Variants in MCTP2 observed in about 807,000 individuals in gnomAD.
The protein encoded by MCTP2 is multiple C2 and transmembrane domain containing 2, also known as multiple C2 and transmembrane domain-containing protein 2.
A neutral mutation model predicts 111.6 loss-of-function variants in MCTP2; 132 were observed. The observed-to-expected ratio is 1.18, with a 90% confidence interval of 1.03 to 1.37. The LOEUF (loss-of-function observed/expected upper bound fraction) is 1.37, where lower values mean the gene tolerates loss of function less well. Ranked by LOEUF, MCTP2 falls within the 40% of genes most tolerant of loss-of-function variation. MCTP2 has a pLI of 0.00. For synonymous variants in MCTP2, 395 were observed against 387.7 expected, an observed-to-expected ratio of 1.02 and a Z score of -0.22; for missense variants, 1,183 against 1,067.9, an observed-to-expected ratio of 1.11 and a Z score of -1.50.
In MCTP2 at chr15:94,419,001, T is replaced by C. The variant is rs145953801; in HGVS notation, c.2085+16982T>C. ...GTACTTTCTTTAAAGTTAGAATGGATCAGCCATATTCTTCATAGAAATGTT... is the reference window on the plus strand; with the variant it reads ...GTACTTTCTTTAAAGTTAGAATGGACCAGCCATATTCTTCATAGAAATGTT... On this transcript the variant is annotated intron_variant, in intron 17 of 22. Transcript: ENST00000357742. Among the ~76,000 whole-genome samples the C allele has an allele frequency of 4.9e-3, 748 of 152,278 alleles. 4 individuals carry two copies. Among genetic ancestry groups the C allele is most frequent in the East Asian group, 0.029 (152 of 5,190 alleles).
intron 4 of MCTP2, 104 bp downstream of exon 4, chr15:94,315,741 G>T: frequency 1.3e-6 from 1 of 790,968 alleles, no homozygotes; most frequent in Non-Finnish European, 2.1e-6. Context: ...CATGGTTTAG[G>T]ATAGACAGTG....
chr15:94,243,425 A>C (rs2071266268), intron 1 of MCTP2, among the ~76,000 whole-genome samples: 1 of 149,480 alleles, frequency 6.7e-6, no homozygotes, highest in Admixed American at 6.6e-5. Context: ...GTATGCGTAT[A>C]TGCGTATGTA....
chr15:94,471,621 C>A (rs1001641038), intron 21 of MCTP2, among the ~76,000 whole-genome samples: 1 of 151,926 alleles, frequency 6.6e-6, no homozygotes, highest in African/African-American at 2.4e-5. Flanking sequence ...ACTTGATGAT[C>A]CTGATTCTTG....
At chr15:94,262,922 C>A (rs1374793515) in intron 1 of MCTP2, among the ~76,000 whole-genome samples, 1 of 152,178 alleles carries the variant, frequency 6.6e-6, no homozygotes, top group African/African-American at 2.4e-5. Flanking sequence ...CCACCCATCT[C>A]AGCTTCCCAA....
Position 94,399,927 on chromosome 15 carries a change from G to C in MCTP2, c.1897G>C (p.Ala633Pro), listed in dbSNP as rs1436755384. ...EMDLIYNPVK[A>P]SIRTFTPREK... ...ACAAGGATGTCTTTTCTAGGTGAAA[G>C]CAAGTATTAGGACTTTTACTCCCCG... The change falls in exon 16 of 23, where the codon GCA (alanine) becomes CCA (proline). Residue 633 changes from alanine (A) to proline (P), a missense_variant. Physicochemically the swap from Ala to Pro is conservative, Grantham distance 27 (BLOSUM62 -1). Transcript: ENST00000357742. 6.2e-7 allele frequency: 1 copy of C among 1,613,786 alleles called. No homozygotes were observed. Among genetic ancestry groups the C allele is most frequent in the Admixed American group, 1.7e-5 (1 of 60,002 alleles).
chr15:94,287,701 A>T (rs1347292687), intron 1 of MCTP2, among the ~76,000 whole-genome samples: 1 of 152,218 alleles, frequency 6.6e-6, no homozygotes, highest in Admixed American at 6.5e-5. Flanking sequence ...CAAACAGGAA[A>T]GCCATTCTCC....
chr15:94,310,468 A>G (rs1020845413), intron 2 of MCTP2, among the ~76,000 whole-genome samples: 3 of 152,146 alleles, frequency 2.0e-5, no homozygotes, highest in African/African-American at 7.2e-5. Context: ...TCAATTTTAC[A>G]GTGTGTTAAT....
intron 4 of MCTP2, among the ~76,000 whole-genome samples, chr15:94,320,423 G>A (rs2076582658): frequency 6.6e-6 from 1 of 152,172 alleles, no homozygotes; most frequent in Non-Finnish European, 1.5e-5. Flanking sequence ...TTACAGCTGT[G>A]AGCCACTGCG....
intron 17 of MCTP2, among the ~76,000 whole-genome samples, chr15:94,407,974 G>T (rs1695375586): frequency 6.6e-6 from 1 of 152,180 alleles, no homozygotes; most frequent in Middle Eastern, 3.2e-3. Flanking sequence ...GATTCATTTT[G>T]CTTTGGTACA....
At chr15:94,267,565 T>C (rs779573176) in intron 1 of MCTP2, among the ~76,000 whole-genome samples, 1 of 151,460 alleles carries the variant, frequency 6.6e-6, no homozygotes, top group Non-Finnish European at 1.5e-5. Context: ...TTAATTTCTC[T>C]TAAACTCCTG....
chr15:94,251,975 C>T (rs2072464707), intron 1 of MCTP2, among the ~76,000 whole-genome samples: 1 of 152,192 alleles, frequency 6.6e-6, no homozygotes, highest in South Asian at 2.1e-4. Flanking sequence ...TTTCCTTCTT[C>T]TTAAAGGCTG....
chr15:94,340,243 A>G lies in MCTP2; in HGVS notation c.825A>G (p.Ala275=). The G allele has an allele frequency of 1.2e-6, 2 of 1,613,232 alleles. No homozygotes were observed. Among genetic ancestry groups the G allele is most frequent in the Non-Finnish European group, 1.7e-6 (2 of 1,179,402 alleles). The change falls in exon 6 of 23, where the codon GCA becomes GCG. Residue 275 remains alanine (A), a synonymous_variant. Transcript: ENST00000357742. ...DLTTSDFMGS[A]FVILSDLELN... ...CCACATCTGATTTCATGGGTTCTGC[A>G]TTTGTCATTCTCAGTGATCTTGAGC...
At chr15:94,449,905 G>C (rs2084337160) in intron 19 of MCTP2, among the ~76,000 whole-genome samples, 1 of 152,162 alleles carries the variant, frequency 6.6e-6, no homozygotes, top group African/African-American at 2.4e-5. Flanking sequence ...TGTTTACCTT[G>C]TGGTGGCTTG....
In MCTP2 at chr15:94,367,606, T is replaced by C. The variant is rs1332565223; in HGVS notation, c.1303T>C (p.Cys435Arg). The C allele has an allele frequency of 1.2e-6, 2 of 1,609,026 alleles. No individual in the cohort carries two copies. Among genetic ancestry groups the C allele is most frequent in the Non-Finnish European group, 1.7e-6 (2 of 1,177,826 alleles). Residue 435 changes from cysteine to arginine, a missense_variant and splice_region_variant, in exon 11 of 23, where the codon TGT becomes CGT. Coordinates refer to ENST00000357742, the MANE Select transcript of MCTP2 (RefSeq NM_001385001.1). Reference protein sequence around the residue: ...NKKHEERLGTCKVDISALPLK... With the variant: ...NKKHEERLGTRKVDISALPLK... ...TCTTGATTCCTGAAACTTTTCTAGG[T>C]GTAAAGTGGATATCTCGGCACTCCC...
Position 94,370,067 on chromosome 15 carries a change from A to T in MCTP2, c.1489-20A>T, listed in dbSNP as rs991766234. 1.1e-5 allele frequency: 18 copies of T among 1,585,286 alleles called. No homozygotes were observed. The highest frequency in any genetic ancestry group is 1.5e-5 in the Non-Finnish European group (18 of 1,162,128). On this transcript the variant is annotated intron_variant, in intron 11 of 22. Coordinates refer to ENST00000357742, the MANE Select transcript of MCTP2 (RefSeq NM_001385001.1). ...ATATTAAAAAGCTGTTTTCACTTGT[A>T]TCACCTTTTCAACCCTCAGTGCTTA...
At chr15:94,242,353 T>A (rs567956789) in intron 1 of MCTP2, among the ~76,000 whole-genome samples, 1 of 152,278 alleles carries the variant, frequency 6.6e-6, no homozygotes, top group East Asian at 1.9e-4. Context: ...GCCTTGCACA[T>A]AACAGATACT....
chr15:94,357,894 C>T (rs968773922), intron 9 of MCTP2, among the ~76,000 whole-genome samples: 3 of 152,164 alleles, frequency 2.0e-5, no homozygotes, highest in Non-Finnish European at 4.4e-5. Flanking sequence ...GTGGAGTTTT[C>T]AAGTCACTCT....
intron 8 of MCTP2, among the ~76,000 whole-genome samples, chr15:94,347,887 C>A (rs78730993): frequency 0.013 from 1,789 of 138,060 alleles, 40 homozygotes; most frequent in East Asian, 0.082. Flanking sequence ...CTCTCTCTCA[C>A]ACACACACAG....
intron 14 of MCTP2, among the ~76,000 whole-genome samples, chr15:94,395,547 G>GT (rs894601346): frequency 6.6e-6 from 1 of 152,128 alleles, no homozygotes; most frequent in African/African-American, 2.4e-5. Context: ...AAGATGAGAA[G>GT]TTTTTTTCCT....
Sources: gnomAD v4.1 joint callset for allele counts (sites outside exome capture counted in the v4.1 genomes callset) on GRCh38, gnomAD v4.1.1 for gene constraint, MANE v1.5 for transcripts, NCBI Gene and HGNC (gene_info 2026-07-23, HGNC 2026-07-21) for gene names.